NCR1: variants seen among roughly 807,000 people sequenced by gnomAD.
NCR1 encodes the protein NK cell-activating receptor.
Under a neutral mutation model 32.5 loss-of-function variants are expected in NCR1, and 30 were observed. That is an observed-to-expected ratio of 0.92 (90% CI 0.69 to 1.25). The LOEUF (loss-of-function observed/expected upper bound fraction) is 1.25, where lower values mean the gene tolerates loss of function less well. Ranked by LOEUF, NCR1 falls within the 50% of genes most tolerant of loss-of-function variation. The pLI is 0.00. For synonymous variants in NCR1, 169 were observed against 143.4 expected (o/e 1.18, Z -1.28); for missense variants, 369 against 380.7 (o/e 0.97, Z 0.26).
the NCR1 span, chr19:54,933,500 A>G: frequency 6.4e-7 from 1 of 1,565,424 alleles, no homozygotes; most frequent in Non-Finnish European, 8.8e-7. Context: ...GAAATGAATT[A>G]ACAAGTACTT....
chr19:54,937,466 C>A, the NCR1 span, among the ~76,000 whole-genome samples: 1 of 151,818 alleles, frequency 6.6e-6, no homozygotes, highest in Non-Finnish European at 1.5e-5. Flanking sequence ...CCGAGGCAGG[C>A]GCATCACCTT....
chr19:54,938,080 TG>T, the NCR1 span: 2 of 1,614,032 alleles, frequency 1.2e-6, no homozygotes, highest in Non-Finnish European at 1.7e-6. Flanking sequence ...ACGGGTTACG[TG>T]GTCACAAAGA....
the NCR1 span, among the ~76,000 whole-genome samples, chr19:54,900,207 A>G: frequency 4.6e-5 from 7 of 152,144 alleles, no homozygotes; most frequent in African/African-American, 1.7e-4. Context: ...GTGTGAAGAG[A>G]CCACCAAACA....
upstream of NCR1, among the ~76,000 whole-genome samples, chr19:54,901,422 G>T (rs1290022568): frequency 2.0e-5 from 3 of 150,090 alleles, no homozygotes; most frequent in African/African-American, 4.9e-5. Flanking sequence ...CCACTTAAGT[G>T]ATTGAATCAC....
the NCR1 span, among the ~76,000 whole-genome samples, chr19:54,932,382 T>TAC: frequency 6.7e-6 from 1 of 149,634 alleles, no homozygotes; most frequent in African/African-American, 2.5e-5. Flanking sequence ...CAGCCAAGAT[T>TAC]ACACCACTGC....
chr19:54,923,136 T>C, the NCR1 span, among the ~76,000 whole-genome samples: 6 of 152,204 alleles, frequency 3.9e-5, no homozygotes, highest in Admixed American at 2.6e-4. Flanking sequence ...TGGCTGCCCA[T>C]GGCCCACGAG....
the NCR1 span, chr19:54,923,626 C>T: frequency 1.6e-6 from 2 of 1,226,898 alleles, no homozygotes; most frequent in African/African-American, 3.0e-5. Flanking sequence ...GTGTCAAATC[C>T]TACCTCTCGA....
the NCR1 span, among the ~76,000 whole-genome samples, chr19:54,937,087 G>A: frequency 5.3e-4 from 80 of 150,984 alleles, no homozygotes; most frequent in Non-Finnish European, 8.7e-4. Flanking sequence ...GCGTGGTGGC[G>A]GGCGCCTGTA....
the NCR1 span, among the ~76,000 whole-genome samples, chr19:54,929,978 G>A: frequency 8.2e-3 from 1,247 of 151,690 alleles, 22 homozygotes; most frequent in African/African-American, 0.028. Flanking sequence ...AGCCAGGCAC[G>A]GTGGCGGGCA....
the NCR1 span, among the ~76,000 whole-genome samples, chr19:54,927,158 G>A: frequency 4.0e-5 from 6 of 151,716 alleles, no homozygotes; most frequent in African/African-American, 1.2e-4. Context: ...GGAGGCCGAG[G>A]CAGGTGGCTC....
chr19:54,908,636 G>A lies in NCR1; in HGVS notation c.356-609G>A, dbSNP rs1204004189. On this transcript the variant is annotated intron_variant, in intron 3 of 6. Transcript: ENST00000291890. ...GGGGCTGCCCCCCAACCTCCCGGAC[G>A]GGGCGGCTGGCCGGGGCTTTTTTTT... Among the ~76,000 whole-genome samples the A allele has an allele frequency of 5.4e-5, 8 of 148,138 alleles. No individual in the cohort carries two copies. The East Asian group carries it at 1.2e-3, about 22-fold the overall frequency.
intron 6 of NCR1, 44 bp downstream of exon 6, chr19:54,912,262 G>A (rs2068012343): frequency 1.4e-5 from 22 of 1,578,948 alleles, no homozygotes; most frequent in Non-Finnish European, 1.7e-5. Context: ...GAAGGGGCTG[G>A]GCATAGAGTA....
At chr19:54,916,865 A>G (rs549789219), downstream of NCR1, among the ~76,000 whole-genome samples, 4 of 149,928 alleles carry the variant, frequency 2.7e-5, no homozygotes, top group Admixed American at 6.7e-5. Context: ...GCGCCCAGCC[A>G]GAAGACCCAC....
the NCR1 span, among the ~76,000 whole-genome samples, chr19:54,927,957 G>A: frequency 6.6e-6 from 1 of 152,256 alleles, no homozygotes; most frequent in African/African-American, 2.4e-5. Flanking sequence ...GCAGGGCGTG[G>A]GGACAGACAC....
At chr19:54,925,809 G>A in the NCR1 span, among the ~76,000 whole-genome samples, 3 of 151,990 alleles carry the variant, frequency 2.0e-5, no homozygotes, top group African/African-American at 7.3e-5. Context: ...GACCAGCCTG[G>A]CCAACATAGT....
At chr19:54,898,382 G>A in the NCR1 span, among the ~76,000 whole-genome samples, 5,748 of 152,250 alleles carry the variant, frequency 0.038, 152 homozygotes, top group African/African-American at 0.064. Context: ...AGGAACCCCT[G>A]GCAGCTGCGG....
chr19:54,910,137 A>C, intron 5 of NCR1, 72 bp downstream of exon 5: 1 of 1,454,928 alleles, frequency 6.9e-7, no homozygotes, highest in Non-Finnish European at 9.6e-7. Context: ...CGTGGCATTC[A>C]TTCAAAATAT....
chr19:54,932,389 C>T, the NCR1 span, among the ~76,000 whole-genome samples: 1 of 151,168 alleles, frequency 6.6e-6, no homozygotes, highest in African/African-American at 2.4e-5. Context: ...GATTACACCA[C>T]TGCATTCCAG....
the NCR1 span, among the ~76,000 whole-genome samples, chr19:54,898,377 C>G: frequency 6.6e-6 from 1 of 152,090 alleles, no homozygotes; most frequent in Non-Finnish European, 1.5e-5. Flanking sequence ...TCTGGAGGAA[C>G]CCCTGGCAGC....
Sources: allele counts gnomAD v4.1 joint callset (sites outside exome capture counted in the v4.1 genomes callset), GRCh38; gene constraint gnomAD v4.1.1; transcripts MANE v1.5; gene names NCBI Gene and HGNC (gene_info 2026-07-23, HGNC 2026-07-21).